The following WASF2 variants were observed in gnomAD, a reference collection of about 807,000 sequenced individuals.
WASF2 encodes WASP family member 2, also known as actin-binding protein WASF2.
A neutral mutation model predicts 45.0 loss-of-function variants in WASF2; 14 were observed. The observed-to-expected ratio is 0.31, with a 90% CI of 0.21 to 0.49. WASF2 has a LOEUF of 0.49. Ranked by LOEUF, WASF2 falls within the 20% of genes least tolerant of loss-of-function variation. WASF2 has a pLI of 0.99. For synonymous variants in WASF2, 200 were observed against 236.3 expected (o/e 0.85, Z 1.41); for missense variants, 439 against 636.1 (o/e 0.69, Z 3.33).
At chr1:27,485,303 A>T (rs1044487461) in intron 1 of WASF2, among the ~76,000 whole-genome samples, 7 of 152,078 alleles carry the variant, frequency 4.6e-5, no homozygotes, top group African/African-American at 1.7e-4. Flanking sequence ...AGGTGGGGGC[A>T]GGGCATGAAG....
intron 1 of WASF2, among the ~76,000 whole-genome samples, chr1:27,467,754 T>C (rs971283817): frequency 6.6e-6 from 1 of 151,178 alleles, no homozygotes; most frequent in African/African-American, 2.4e-5. Context: ...CTACTAAAAA[T>C]ATAAAAAACT....
chr1:27,418,453 G>T, intron 3 of WASF2, 31 bp from the exon 4 acceptor site: 2 of 1,614,092 alleles, frequency 1.2e-6, no homozygotes, highest in Non-Finnish European at 1.7e-6. Flanking sequence ...TTAGAAAATG[G>T]ACGACAGGCT....
At chr1:27,474,869 T>G (rs1288713994) in intron 1 of WASF2, among the ~76,000 whole-genome samples, 1 of 152,170 alleles carries the variant, frequency 6.6e-6, no homozygotes, top group East Asian at 1.9e-4. Flanking sequence ...GGAGGATCAC[T>G]TGAGCCACAG....
Position 27,408,072 on chromosome 1 carries a change from G to A in WASF2, c.*117C>T, listed in dbSNP as rs1412977685. On this transcript the variant is annotated 3_prime_UTR_variant, in exon 9 of 9. Coordinates refer to ENST00000618852, the MANE Select transcript of WASF2 (RefSeq NM_006990.5). ...CTTTGGTTGCTTCAGGGAAAGCTTT[G>A]GCCCCTTAAAATTACTTTTTTCCTC... 11 of 1,243,744 alleles carry A rather than the reference G, an allele frequency of 8.8e-6. No individual in the cohort carries two copies. The highest frequency in any genetic ancestry group is 1.2e-5 in the Non-Finnish European group (11 of 903,888). The allele number at this position is 1,243,744 out of a possible 1,614,324, so 77.0% of individuals were successfully genotyped here.
At chr1:27,418,712 G>A (rs1028328881) in intron 3 of WASF2, among the ~76,000 whole-genome samples, 6 of 152,128 alleles carry the variant, frequency 3.9e-5, no homozygotes, top group African/African-American at 7.2e-5. Flanking sequence ...AGCAAAATAC[G>A]ATTGAGGGAG....
chr1:27,431,855 A>C (rs2017066725), intron 1 of WASF2, among the ~76,000 whole-genome samples: 1 of 152,228 alleles, frequency 6.6e-6, no homozygotes, highest in South Asian at 2.1e-4. Context: ...CAAATGGCTT[A>C]TTGTCAAAAA....
chr1:27,435,171 TCCTGA>T (rs975533320), intron 1 of WASF2, among the ~76,000 whole-genome samples: 45 of 152,258 alleles, frequency 3.0e-4, no homozygotes, highest in African/African-American at 1.1e-3. Context: ...GGTCTCGAAC[TCCTGA>T]CCTAAGTGAT....
chr1:27,467,942 T>C (rs2017638436), intron 1 of WASF2, among the ~76,000 whole-genome samples: 1 of 151,878 alleles, frequency 6.6e-6, no homozygotes, highest in African/African-American at 2.4e-5. Flanking sequence ...CAAATAATTT[T>C]TTTTTTTTTG....
chr1:27,440,401 A>G (rs2017205919), intron 1 of WASF2, among the ~76,000 whole-genome samples: 1 of 152,118 alleles, frequency 6.6e-6, no homozygotes, highest in African/African-American at 2.4e-5. Context: ...GCACAGCTGT[A>G]GTCTCAGCTA....
rs544835524 is a variant in WASF2 at position 27,442,768 on chromosome 1, C to T, written c.-43-13835G>A. ...CCATAATCCCAGCACTTTAGGGGGC[C>T]GAGGTGGGCGGATCACGAGGTCAGG... On this transcript the variant is annotated intron_variant, in intron 1 of 8. Transcript: ENST00000618852. Among the ~76,000 whole-genome samples, 6 of 151,646 alleles carry T rather than the reference C, an allele frequency of 4.0e-5. No individual in the cohort carries two copies. The South Asian group carries it at 1.0e-3, about 26-fold the overall frequency.
At chr1:27,459,161 T>A (rs538531092) in intron 1 of WASF2, 2 of 152,320 alleles carry the variant, frequency 1.3e-5, no homozygotes, top group Admixed American at 1.3e-4. Context: ...TTCTCATTTG[T>A]GAATTTTTTG....
At position 27,437,114 on chromosome 1, in the gene WASF2, T is replaced by C. The variant is rs12118808; in HGVS notation, c.-43-8181A>G. On this transcript the variant is annotated intron_variant, in intron 1 of 8. Transcript: ENST00000618852. ...ACTTTTTATTATCTTTTGGGGGCAA[T>C]AGCACCTTTTGTTCTTACCCTTTTA... Among the ~76,000 whole-genome samples the C allele has an allele frequency of 3.4e-3, 515 of 152,332 alleles. 1 individual carries two copies. Among genetic ancestry groups the C allele is most frequent in the Non-Finnish European group, 5.9e-3 (401 of 68,020 alleles).
chr1:27,447,138 C>T (rs1571143744), intron 1 of WASF2, among the ~76,000 whole-genome samples: 1 of 152,004 alleles, frequency 6.6e-6, no homozygotes, highest in South Asian at 2.1e-4. Context: ...GTTTTCCTAC[C>T]AAAATCTATT....
At chr1:27,442,769 G>T (rs780438656) in intron 1 of WASF2, among the ~76,000 whole-genome samples, 2 of 151,782 alleles carry the variant, frequency 1.3e-5, no homozygotes, top group African/African-American at 4.8e-5. Context: ...TTAGGGGGCC[G>T]AGGTGGGCGG....
intron 1 of WASF2, among the ~76,000 whole-genome samples, chr1:27,436,620 G>A (rs961146268): frequency 7.2e-5 from 11 of 152,128 alleles, no homozygotes; most frequent in African/African-American, 2.7e-4. Flanking sequence ...ATTTACTGTT[G>A]CATATAGCAG....
intron 2 of WASF2, among the ~76,000 whole-genome samples, chr1:27,428,004 C>T (rs1395926454): frequency 1.3e-5 from 2 of 152,094 alleles, no homozygotes; most frequent in Non-Finnish European, 2.9e-5. Context: ...CCACCCAAGG[C>T]AGTCTCATTC....
At chr1:27,442,240 C>T (rs2017247543) in intron 1 of WASF2, among the ~76,000 whole-genome samples, 1 of 152,050 alleles carries the variant, frequency 6.6e-6, no homozygotes, top group Non-Finnish European at 1.5e-5. Flanking sequence ...TATGTACCTA[C>T]CAAAGTTAAA....
At chr1:27,471,645 A>G (rs749082428) in intron 1 of WASF2, among the ~76,000 whole-genome samples, 1 of 152,112 alleles carries the variant, frequency 6.6e-6, no homozygotes, top group Admixed American at 6.6e-5. Context: ...CACACACACA[A>G]AGAGTAGATG....
chr1:27,415,347 T>G (rs570199584), intron 5 of WASF2, among the ~76,000 whole-genome samples: 15 of 152,268 alleles, frequency 9.9e-5, no homozygotes, highest in Admixed American at 9.8e-4. Flanking sequence ...GGGGCACATA[T>G]AAGGAAATAG....
Sources: gnomAD v4.1 joint callset for allele counts (sites outside exome capture counted in the v4.1 genomes callset) on GRCh38, gnomAD v4.1.1 for gene constraint, MANE v1.5 for transcripts, NCBI Gene and HGNC (gene_info 2026-07-23, HGNC 2026-07-21) for gene names.